PARD3B: variants seen among roughly 807,000 people sequenced by gnomAD.
PARD3B encodes par-3 family cell polarity regulator beta.
PARD3B carries 103 observed loss-of-function variants against 130.2 expected under a neutral mutation model. That is an observed-to-expected ratio of 0.79 (90% CI 0.67 to 0.93). PARD3B has a LOEUF of 0.93. PARD3B is among the 40% of genes least tolerant of loss of function. PARD3B has a pLI of 0.00. For missense variants in PARD3B, 1,609 were observed against 1,499.2 expected, an observed-to-expected ratio of 1.07 and a Z score of -1.21; for synonymous variants, 583 against 553.2, an observed-to-expected ratio of 1.05 and a Z score of -0.76.
At chr2:205,350,286 C>G (rs970996139) in intron 18 of PARD3B, among the ~76,000 whole-genome samples, 2 of 152,128 alleles carry the variant, frequency 1.3e-5, no homozygotes, top group Non-Finnish European at 2.9e-5. Flanking sequence ...AATCTTATTG[C>G]CAATCTTTTT....
At chr2:204,875,394 G>A (rs1432150581) in intron 2 of PARD3B, among the ~76,000 whole-genome samples, 1 of 152,184 alleles carries the variant, frequency 6.6e-6, no homozygotes, top group Admixed American at 6.5e-5. Context: ...CAATTCCTTT[G>A]TGGAGCATCT....
At chr2:204,828,201 A>G (rs577453719) in intron 2 of PARD3B, among the ~76,000 whole-genome samples, 2 of 152,200 alleles carry the variant, frequency 1.3e-5, no homozygotes, top group East Asian at 3.9e-4. Flanking sequence ...AGCAATTGCT[A>G]TTGTTTTTGA....
At chr2:205,493,077 CT>C (rs1482253507) in intron 20 of PARD3B, among the ~76,000 whole-genome samples, 1 of 152,072 alleles carries the variant, frequency 6.6e-6, no homozygotes, top group African/African-American at 2.4e-5. Flanking sequence ...TTTCCAGAAT[CT>C]TTTCTTGGGA....
chr2:204,563,217 G>GTCTCTCTC (rs35536964), intron 1 of PARD3B, among the ~76,000 whole-genome samples: 5,534 of 86,506 alleles, frequency 0.064, 752 homozygotes, highest in Non-Finnish European at 0.082. Flanking sequence ...TCTTCCCGCT[G>GTCTCTCTC]TCTCTCTCTC....
intron 3 of PARD3B, among the ~76,000 whole-genome samples, chr2:204,968,976 T>C (rs553707063): frequency 2.6e-5 from 4 of 152,358 alleles, no homozygotes; most frequent in Admixed American, 2.6e-4. Context: ...TCTAATGTAA[T>C]GCTGAATGAC....
chr2:205,615,426 G>T, intron 22 of PARD3B, 30 bp from the exon 23 acceptor site: 1 of 1,545,190 alleles, frequency 6.5e-7, no homozygotes, highest in Non-Finnish European at 8.7e-7. Context: ...CTTAGGAGCT[G>T]CTAACATGTG....
At chr2:205,057,607 G>GTGTGTGTATACGTATATATATACATA (rs1491234766) in intron 4 of PARD3B, among the ~76,000 whole-genome samples, 1 of 68,470 alleles carries the variant, frequency 1.5e-5, no homozygotes, top group Non-Finnish European at 2.9e-5. Context: ...ACATATATGT[G>GTGTGTGTATACGTATATATATACATA]TATGTGTATG....
At chr2:205,130,575 G>T (rs1163659519) in intron 10 of PARD3B, among the ~76,000 whole-genome samples, 3 of 152,122 alleles carry the variant, frequency 2.0e-5, no homozygotes, top group Admixed American at 6.5e-5. Context: ...GGGTAGAAAG[G>T]AAGATTCTGC....
At chr2:205,126,360 A>G (rs1679991422) in intron 10 of PARD3B, among the ~76,000 whole-genome samples, 1 of 152,164 alleles carries the variant, frequency 6.6e-6, no homozygotes. Context: ...TTTTCCCCTC[A>G]AGTTCTATCT....
intron 20 of PARD3B, among the ~76,000 whole-genome samples, chr2:205,471,376 T>TTC (rs869309625): frequency 1.3e-5 from 2 of 149,328 alleles, no homozygotes; most frequent in Admixed American, 6.7e-5. Flanking sequence ...TTTTTTTTTT[T>TTC]CTGAGACAGA....
intron 2 of PARD3B, among the ~76,000 whole-genome samples, chr2:204,841,965 A>G (rs1350848311): frequency 1.3e-5 from 2 of 152,172 alleles, no homozygotes; most frequent in Non-Finnish European, 2.9e-5. Context: ...AATTTAGATG[A>G]GTTCACATGA....
At chr2:205,533,795 A>T (rs1301644323) in intron 21 of PARD3B, among the ~76,000 whole-genome samples, 1 of 152,048 alleles carries the variant, frequency 6.6e-6, no homozygotes, top group Non-Finnish European at 1.5e-5. Context: ...AGGGGTGCAA[A>T]CAGGTCACTG....
At chr2:205,533,722 GTTTTTTGT>G (rs1391359715) in intron 21 of PARD3B, among the ~76,000 whole-genome samples, 2 of 151,878 alleles carry the variant, frequency 1.3e-5, no homozygotes, top group African/African-American at 2.4e-5. Flanking sequence ...GGTTTTGGGG[GTTTTTTGT>G]TTGTTTGTTT....
chr2:205,404,399 G>A (rs1049262517), intron 19 of PARD3B, among the ~76,000 whole-genome samples: 2 of 152,060 alleles, frequency 1.3e-5, no homozygotes, highest in Non-Finnish European at 1.5e-5. Context: ...TCAGGGAGTC[G>A]ATCATTCACA....
intron 18 of PARD3B, among the ~76,000 whole-genome samples, chr2:205,338,694 G>T (rs939190324): frequency 6.6e-6 from 1 of 152,176 alleles, no homozygotes; most frequent in African/African-American, 2.4e-5. Context: ...CATGGAATTT[G>T]TCTCTGATAA....
intron 1 of PARD3B, among the ~76,000 whole-genome samples, chr2:204,552,095 G>A (rs111980618): frequency 6.6e-6 from 1 of 152,190 alleles, no homozygotes; most frequent in Non-Finnish European, 1.5e-5. Flanking sequence ...GGACAGTTCA[G>A]ATCCAATGCT....
chr2:205,103,905 C>A, intron 4 of PARD3B: 1 of 223,760 alleles, frequency 4.5e-6, no homozygotes, highest in South Asian at 1.6e-4. Context: ...AGATTATCCT[C>A]AGAGTCAAAT....
intron 21 of PARD3B, among the ~76,000 whole-genome samples, chr2:205,535,756 G>A (rs2051823714): frequency 6.6e-6 from 1 of 152,134 alleles, no homozygotes; most frequent in African/African-American, 2.4e-5. Context: ...TCTCTGCTTT[G>A]CTGCAATTCC....
intron 22 of PARD3B, among the ~76,000 whole-genome samples, chr2:205,582,225 C>T (rs528982667): frequency 1.4e-4 from 21 of 152,238 alleles, no homozygotes; most frequent in Non-Finnish European, 2.5e-4. Flanking sequence ...TGTGGGACAT[C>T]GGCTAACACA....
Sources: gnomAD v4.1 joint callset for allele counts (sites outside exome capture counted in the v4.1 genomes callset) on GRCh38, gnomAD v4.1.1 for gene constraint, MANE v1.5 for transcripts, NCBI Gene and HGNC (gene_info 2026-07-23, HGNC 2026-07-21) for gene names.